The following ARHGEF37 variants were observed in gnomAD, a reference collection of about 807,000 sequenced individuals.
The protein encoded by ARHGEF37 is Rho guanine nucleotide exchange factor (GEF) 37.
Under a neutral mutation model 71.1 loss-of-function variants are expected in ARHGEF37, and 55 were observed. That is an observed-to-expected ratio of 0.77 (90% CI 0.62 to 0.97). The LOEUF (loss-of-function observed/expected upper bound fraction) is 0.97, where lower values mean the gene tolerates loss of function less well. ARHGEF37 is among the 50% of genes least tolerant of loss of function. ARHGEF37 has a pLI of 0.00. For synonymous variants in ARHGEF37, 327 were observed against 350.6 expected, an observed-to-expected ratio of 0.93 and a Z score of 0.75; for missense variants, 765 against 836.8, an observed-to-expected ratio of 0.91 and a Z score of 1.06.
intron 2 of ARHGEF37, 52 bp downstream of exon 2, chr5:149,598,007 C>T (rs980225544): frequency 3.5e-5 from 53 of 1,493,364 alleles, no homozygotes; most frequent in Admixed American, 5.5e-5. Context: ...AAATGTGGGT[C>T]CCAGCTTCTG....
intron 1 of ARHGEF37, among the ~76,000 whole-genome samples, chr5:149,575,194 C>A (rs1763012008): frequency 6.6e-6 from 1 of 152,190 alleles, no homozygotes; most frequent in Admixed American, 6.5e-5. Context: ...AAAACACAAG[C>A]TAGTTTCATA....
At position 149,618,432 on chromosome 5, in the gene ARHGEF37, G is replaced by T. The variant is rs1046346801; in HGVS notation, c.789+126G>T. The T allele has an allele frequency of 9.2e-6, 13 of 1,419,674 alleles. No homozygotes were observed. The East Asian group carries it at 2.2e-4, about 24-fold the overall frequency. The allele number at this position is 1,419,674 out of a possible 1,614,324, so 87.9% of individuals were successfully genotyped here. ...GCAATGGAGGCTGAGAGATTGAGGT[G>T]CTGGGAAGAGGCAGAGGTGGCACCC... On this transcript the variant is annotated intron_variant, in intron 6 of 12. Transcript: ENST00000333677.
intron 1 of ARHGEF37, among the ~76,000 whole-genome samples, chr5:149,561,568 A>G (rs878932444): frequency 6.6e-6 from 1 of 152,210 alleles, no homozygotes; most frequent in African/African-American, 2.4e-5. Flanking sequence ...ACAGGGAGGA[A>G]ATTCAAGTCA....
upstream of ARHGEF37, among the ~76,000 whole-genome samples, chr5:149,577,966 G>A (rs934979089): frequency 4.6e-5 from 7 of 152,308 alleles, no homozygotes; most frequent in East Asian, 1.9e-4. Flanking sequence ...TTCAGTAGCC[G>A]GTAACAGTAA....
chr5:149,558,660 A>C (rs1762784669), intron 1 of ARHGEF37, among the ~76,000 whole-genome samples: 1 of 151,648 alleles, frequency 6.6e-6, no homozygotes, highest in Non-Finnish European at 1.5e-5. Context: ...CCAACCAGAC[A>C]ACCCAATGAT....
chr5:149,568,811 C>CAAAA, intron 1 of ARHGEF37, among the ~76,000 whole-genome samples: 1 of 57,376 alleles, frequency 1.7e-5, no homozygotes, highest in Non-Finnish European at 4.0e-5. Context: ...GACTCCATCT[C>CAAAA]AAAAAAAAAA....
At chr5:149,598,039 G>T in intron 2 of ARHGEF37, 84 bp downstream of exon 2, 3 of 1,459,812 alleles carry the variant, frequency 2.1e-6, no homozygotes, top group Non-Finnish European at 2.7e-6. Flanking sequence ...CCATTCCTGG[G>T]GCAAGCTTGA....
At chr5:149,580,071 T>C (rs958132862), upstream of ARHGEF37, among the ~76,000 whole-genome samples, 3 of 152,132 alleles carry the variant, frequency 2.0e-5, no homozygotes, top group Non-Finnish European at 4.4e-5. Flanking sequence ...TTTCTTTCTT[T>C]TCTTTTTCGA....
chr5:149,581,443 G>A (rs1173463939), upstream of ARHGEF37: 1 of 152,026 alleles, frequency 6.6e-6, no homozygotes, highest in Non-Finnish European at 1.5e-5. Context: ...CCCCCTCGCG[G>A]CGCACGCACG....
chr5:149,595,285 C>T lies in ARHGEF37; in HGVS notation c.-11-2474C>T, dbSNP rs118134326. ...CTACCTCCTGGGCTCAAGCAATCCTCCTACCTTGGCCTCCTGAGTAGCTGG... is the reference window on the plus strand; with the variant it reads ...CTACCTCCTGGGCTCAAGCAATCCTTCTACCTTGGCCTCCTGAGTAGCTGG... On this transcript the variant is annotated intron_variant, in intron 1 of 12. Transcript: ENST00000333677. Among the ~76,000 whole-genome samples, 2,569 of 152,282 alleles carry T rather than the reference C, an allele frequency of 0.017. 191 individuals are homozygous for T. In the East Asian group the frequency reaches 0.26, roughly 15 times the overall value.
chr5:149,582,445 T>C (rs1042010611), intron 1 of ARHGEF37, among the ~76,000 whole-genome samples: 2 of 152,184 alleles, frequency 1.3e-5, no homozygotes, highest in Non-Finnish European at 2.9e-5. Flanking sequence ...CCAGGAAGCA[T>C]AGTTTAACCT....
Position 149,618,216 on chromosome 5 carries a change from G to A in ARHGEF37, c.699G>A (p.Glu233=), listed in dbSNP as rs941682274. 6.2e-7 allele frequency: 1 copy of A among 1,614,236 alleles called. No homozygotes were observed. Among genetic ancestry groups the A allele is most frequent in the East Asian group, 2.2e-5 (1 of 44,888 alleles). Reference sequence around the variant, plus strand: ...AGGTAGAGCAGCTGACCCTCCGGGAGCGGCTGGCCCGCATCAACACACACA... The same window carrying A: ...AGGTAGAGCAGCTGACCCTCCGGGAACGGCTGGCCCGCATCAACACACACA... ...YTKVEQLTLR[E]RLARINTHTL... is the part of the protein sequence containing the mutation. The change falls in exon 6 of 13, where the codon GAG becomes GAA. Residue 233 remains glutamate (E), a synonymous_variant. Coordinates refer to ENST00000333677, the MANE Select transcript of ARHGEF37 (RefSeq NM_001001669.3).
At chr5:149,618,430 G>A in intron 6 of ARHGEF37, 124 bp downstream of exon 6, 1 of 1,433,034 alleles carries the variant, frequency 7.0e-7, no homozygotes, top group Non-Finnish European at 9.4e-7. Context: ...AGAGATTGAG[G>A]TGCTGGGAAG....
intron 3 of ARHGEF37, among the ~76,000 whole-genome samples, chr5:149,601,466 A>G (rs717954): frequency 0.24 from 36,267 of 152,138 alleles, 4,662 homozygotes; most frequent in East Asian, 0.37. Flanking sequence ...ACATGCTTAC[A>G]GTCACGGAAT....
chr5:149,559,254 G>A (rs1257773316), intron 1 of ARHGEF37, among the ~76,000 whole-genome samples: 1 of 152,192 alleles, frequency 6.6e-6, no homozygotes. Context: ...CCAGGAGGCA[G>A]AGGTTGTAGT....
At chr5:149,575,885 C>A (rs775608725) in intron 1 of ARHGEF37, among the ~76,000 whole-genome samples, 4 of 151,394 alleles carry the variant, frequency 2.6e-5, no homozygotes, top group South Asian at 2.1e-4. Context: ...GCCGTCCCCC[C>A]CCTCAAAAAA....
intron 1 of ARHGEF37, among the ~76,000 whole-genome samples, chr5:149,575,450 A>T (rs893106656): frequency 2.6e-5 from 4 of 152,116 alleles, no homozygotes; most frequent in African/African-American, 9.7e-5. Context: ...TGCTCAGGGG[A>T]CTGACCCAGT....
At chr5:149,594,299 A>T (rs1190676390) in intron 1 of ARHGEF37, among the ~76,000 whole-genome samples, 3 of 152,240 alleles carry the variant, frequency 2.0e-5, no homozygotes, top group Non-Finnish European at 2.9e-5. Context: ...GTGGAACCTG[A>T]ATAGCTTTCC....
chr5:149,584,559 TG>T (rs1319027912), intron 1 of ARHGEF37, among the ~76,000 whole-genome samples: 2 of 152,210 alleles, frequency 1.3e-5, no homozygotes, highest in Non-Finnish European at 2.9e-5. Flanking sequence ...AATATTGGGA[TG>T]TTTTTTCTAA....
Sources: allele counts gnomAD v4.1 joint callset (sites outside exome capture counted in the v4.1 genomes callset), GRCh38; gene constraint gnomAD v4.1.1; transcripts MANE v1.5; gene names NCBI Gene and HGNC (gene_info 2026-07-23, HGNC 2026-07-21).